The following CNTN3 variants were observed in gnomAD, a reference collection of about 807,000 sequenced individuals.
The protein encoded by CNTN3 is contactin 3.
CNTN3 carries 60 observed loss-of-function variants against 119.1 expected under a neutral mutation model. The ratio of observed to expected loss-of-function variants is 0.50; its 90% CI spans 0.41 to 0.62. The LOEUF (loss-of-function observed/expected upper bound fraction) is 0.62. Ranked by LOEUF, CNTN3 falls within the 20% of genes least tolerant of loss-of-function variation. The pLI, the probability that CNTN3 is intolerant of heterozygous loss-of-function variation, is 0.00. For synonymous variants in CNTN3, 450 were observed against 438.7 expected, an observed-to-expected ratio of 1.03 and a Z score of -0.32; for missense variants, 1,101 against 1,242.4, an observed-to-expected ratio of 0.89 and a Z score of 1.71.
chr3:74,557,943 T>A (rs77728920), intron 1 of CNTN3, among the ~76,000 whole-genome samples: 5,624 of 152,206 alleles, frequency 0.037, 137 homozygotes, highest in South Asian at 0.068. Flanking sequence ...AACAAATGGA[T>A]GCATGGAACA....
chr3:74,607,270 G>A (rs1012501466), intron 1 of CNTN3, among the ~76,000 whole-genome samples: 3 of 152,048 alleles, frequency 2.0e-5, no homozygotes, highest in South Asian at 2.1e-4. Context: ...AGCAACTTTC[G>A]GCTACTTTAC....
At chr3:74,415,798 G>A (rs949902068) in intron 5 of CNTN3, among the ~76,000 whole-genome samples, 7 of 152,158 alleles carry the variant, frequency 4.6e-5, no homozygotes, top group Non-Finnish European at 7.3e-5. Context: ...AGCTCCTGAG[G>A]CATCAGCTTT....
Position 74,264,424 on chromosome 3 carries a change from A to G in CNTN3, c.3064T>C (p.Leu1022=). The G allele has an allele frequency of 1.2e-6, 2 of 1,601,828 alleles. No homozygotes were observed. The highest frequency in any genetic ancestry group is 1.7e-6 in the Non-Finnish European group (2 of 1,172,356). Residue 1022 remains leucine, a synonymous_variant, in exon 23 of 23, where the codon TTA becomes CTA. Coordinates refer to ENST00000263665, the MANE Select transcript of CNTN3 (RefSeq NM_020872.3). ...TATCACCACAGGACATATACAATTA[A>G]GAACAGTACTATAGGCATATAACTT... ...MSSYMPIVLF[L]IVYVLW
At chr3:74,422,530 A>G (rs1161399321) in intron 5 of CNTN3, among the ~76,000 whole-genome samples, 1 of 152,212 alleles carries the variant, frequency 6.6e-6, no homozygotes, top group African/African-American at 2.4e-5. Context: ...TAACATTTGA[A>G]TAGATTCATC....
In CNTN3 at chr3:74,414,877, C is replaced by CTTTT. The variant is rs71129747; in HGVS notation, c.454+9964_454+9967dup. On this transcript the variant is annotated intron_variant, in intron 5 of 22. Transcript: ENST00000263665. ...GATCTCACCTGGTGTTTCCTATAGT[C>CTTTT]TTTTTTTTTTTTTTTTTTTTGACCA... 7.3e-4 allele frequency among the ~76,000 whole-genome samples: 86 copies of CTTTT among 117,094 alleles called. 1 individual carries two copies. The highest frequency in any genetic ancestry group is 3.3e-3 in the South Asian group (11 of 3,312). 76.8% of individuals were successfully genotyped at this position (117,094 alleles called of 152,430 possible).
At chr3:74,382,558 ACT>A (rs1344854505) in intron 5 of CNTN3, among the ~76,000 whole-genome samples, 1 of 151,624 alleles carries the variant, frequency 6.6e-6, no homozygotes, top group Non-Finnish European at 1.5e-5. Context: ...CCACCATTCT[ACT>A]CTCTGTTTCT....
At position 74,285,411 on chromosome 3, in the gene CNTN3, T is replaced by C. The variant is rs748233811; in HGVS notation, c.2598A>G (p.Leu866=). ...AGGCCAGGTTGCTCTTCAGGCCCCG[T>C]AGTCTGGCTGATGTCTCATTTCCTG... ...KVAGNETSAR[L]RGLKSNLAYY... The change falls in exon 20 of 23, where the codon CTA becomes CTG. Residue 866 remains leucine, a synonymous_variant. Coordinates refer to ENST00000263665, the MANE Select transcript of CNTN3 (RefSeq NM_020872.3). 1.5e-5 allele frequency: 24 copies of C among 1,613,638 alleles called. No individual in the cohort carries two copies. The South Asian group carries it at 2.2e-4, about 15-fold the overall frequency.
chr3:74,389,177 G>A (rs1704831944), intron 5 of CNTN3, among the ~76,000 whole-genome samples: 3 of 152,020 alleles, frequency 2.0e-5, no homozygotes, highest in African/African-American at 7.2e-5. Flanking sequence ...GAATTATACT[G>A]GCTTTTATAT....
intron 4 of CNTN3, among the ~76,000 whole-genome samples, chr3:74,428,924 C>T (rs116323530): frequency 2.2e-3 from 336 of 152,200 alleles, no homozygotes; most frequent in Middle Eastern, 0.01. Flanking sequence ...TCACAATTGC[C>T]TACAGTATTA....
chr3:74,461,545 C>G (rs139151377), intron 4 of CNTN3, among the ~76,000 whole-genome samples: 21 of 152,068 alleles, frequency 1.4e-4, no homozygotes, highest in African/African-American at 4.6e-4. Context: ...CAAGAGGCAT[C>G]TAAATTTGGA....
chr3:74,571,128 G>C (rs1159415934), intron 1 of CNTN3, among the ~76,000 whole-genome samples: 2 of 152,298 alleles, frequency 1.3e-5, no homozygotes, highest in South Asian at 2.1e-4. Flanking sequence ...ACTTGTTTAT[G>C]ATATAGAATG....
At chr3:74,405,652 A>C (rs9833778) in intron 5 of CNTN3, among the ~76,000 whole-genome samples, 108,642 of 151,860 alleles carry the variant, frequency 0.72, 39,042 homozygotes, top group East Asian at 0.83. Context: ...ATATTCACAA[A>C]TATGGTTTCT....
At chr3:74,606,881 G>C (rs2106712536) in intron 1 of CNTN3, among the ~76,000 whole-genome samples, 1 of 152,222 alleles carries the variant, frequency 6.6e-6, no homozygotes, top group South Asian at 2.1e-4. Context: ...CAGGGCAACT[G>C]CTGCTTAACA....
intron 4 of CNTN3, among the ~76,000 whole-genome samples, chr3:74,458,190 C>T (rs1702303403): frequency 6.6e-6 from 1 of 152,006 alleles, no homozygotes; most frequent in Non-Finnish European, 1.5e-5. Context: ...ACACAGCTCT[C>T]TGCTGAAGAA....
chr3:74,514,425 T>C (rs1703418314), intron 2 of CNTN3, among the ~76,000 whole-genome samples: 1 of 152,116 alleles, frequency 6.6e-6, no homozygotes, highest in Admixed American at 6.6e-5. Context: ...TTAGTTGGTC[T>C]TAGGGCAAAT....
chr3:74,289,704 A>G (rs946742143), intron 19 of CNTN3, among the ~76,000 whole-genome samples: 1 of 152,196 alleles, frequency 6.6e-6, no homozygotes, highest in African/African-American at 2.4e-5. Flanking sequence ...CTCTATTTTA[A>G]CTGAGCCTTG....
intron 13 of CNTN3, among the ~76,000 whole-genome samples, chr3:74,303,507 A>G (rs1702499884): frequency 6.6e-6 from 1 of 152,154 alleles, no homozygotes; most frequent in Non-Finnish European, 1.5e-5. Context: ...AGCCCGGCCA[A>G]TATGGTGAAA....
intron 2 of CNTN3, among the ~76,000 whole-genome samples, chr3:74,514,323 T>C (rs1397089136): frequency 1.3e-5 from 2 of 152,136 alleles, no homozygotes; most frequent in Non-Finnish European, 2.9e-5. Flanking sequence ...GATAGAGAAA[T>C]AAATTCTAAC....
At chr3:74,461,407 T>G (rs1385320700) in intron 4 of CNTN3, among the ~76,000 whole-genome samples, 1 of 152,092 alleles carries the variant, frequency 6.6e-6, no homozygotes, top group Non-Finnish European at 1.5e-5. Flanking sequence ...GTCTTTTAAC[T>G]TGTTCTTCTA....
Sources: allele counts gnomAD v4.1 joint callset (sites outside exome capture counted in the v4.1 genomes callset), GRCh38; gene constraint gnomAD v4.1.1; transcripts MANE v1.5; gene names NCBI Gene and HGNC (gene_info 2026-07-23, HGNC 2026-07-21).